The following VPS18 variants were observed in gnomAD, a reference collection of about 807,000 sequenced individuals.
VPS18 encodes the protein vacuolar protein sorting-associated protein 18 homolog.
VPS18 carries 25 observed loss-of-function variants against 82.0 expected under a neutral mutation model. The ratio of observed to expected loss-of-function variants is 0.30; its 90% CI spans 0.22 to 0.43. The LOEUF (loss-of-function observed/expected upper bound fraction) is 0.43, where lower values mean the gene tolerates loss of function less well. Ranked by LOEUF, VPS18 falls within the 20% of genes least tolerant of loss-of-function variation. The pLI is 1.00. For missense variants in VPS18, 1,168 were observed against 1,311.1 expected, an observed-to-expected ratio of 0.89 and a Z score of 1.69; for synonymous variants, 523 against 543.0, an observed-to-expected ratio of 0.96 and a Z score of 0.51.
chr15:40,899,814 G>C lies in VPS18; in HGVS notation c.996G>C (p.Gln332His), dbSNP rs777919773. 3.4e-5 allele frequency: 54 copies of C among 1,610,404 alleles called. No individual in the cohort carries two copies. The highest frequency in any genetic ancestry group is 4.2e-5 in the Non-Finnish European group (50 of 1,180,010). ...CACCCCTAGCCATCGTCTTGACCCA[G>C]TTCCACTTCCTGCTGCTACTGGCAG... The part of the protein sequence containing the change: ...ASPPLAIVLT[Q>H]FHFLLLLADR... Residue 332 changes from glutamine (Q) to histidine (H), a missense_variant, in exon 4 of 5, where the codon CAG (glutamine) becomes CAC (histidine). Physicochemically the swap from Gln to His is conservative, Grantham distance 24 (BLOSUM62 0). This residue lies in a region of VPS18 where 868 missense variants were observed against 939.8 expected (regional missense o/e 0.92). Transcript: ENST00000220509. This position sits in a 1 kb window ranked among gnomAD's most constrained non-coding sequence, Gnocchi z 4.4.
In VPS18 at chr15:40,899,203, C is replaced by G. The variant is rs770335075; in HGVS notation, c.385C>G (p.Gln129Glu). ...TEVLYVNRNG[Q>E]KVRPLARWKG... ...GGTCCTCTACGTGAACCGAAATGGACAGAAGGTACGGCCACTAGCACGCTG... is the reference window on the plus strand; with the variant it reads ...GGTCCTCTACGTGAACCGAAATGGAGAGAAGGTACGGCCACTAGCACGCTG... Residue 129 changes from glutamine (Q) to glutamate (E), a missense_variant, in exon 4 of 5, where the codon CAG becomes GAG. This residue lies in a region of VPS18 where 868 missense variants were observed against 939.8 expected (regional missense o/e 0.92). Coordinates refer to ENST00000220509, the MANE Select transcript of VPS18 (RefSeq NM_020857.3). The surrounding 1 kb of genome is among the most constrained non-coding windows in gnomAD (Gnocchi z 4.4). 2 of 1,614,072 alleles carry G rather than the reference C, an allele frequency of 1.2e-6. No homozygotes were observed. Among genetic ancestry groups the G allele is most frequent in the Non-Finnish European group, 8.5e-7 (1 of 1,180,042 alleles).
In VPS18 at chr15:40,900,251, C is replaced by T. The variant is rs758215527; in HGVS notation, c.1433C>T (p.Ala478Val). 8.1e-6 allele frequency: 13 copies of T among 1,613,682 alleles called. No individual in the cohort carries two copies. The highest frequency in any genetic ancestry group is 1.0e-5 in the Non-Finnish European group (12 of 1,180,030). The change falls in exon 4 of 5, where the codon GCC (alanine) becomes GTC (valine). Residue 478 changes from alanine to valine, a missense_variant. By Grantham distance (64) the Ala-to-Val change is moderately conservative. Coordinates refer to ENST00000220509, the MANE Select transcript of VPS18 (RefSeq NM_020857.3). This position sits in a 1 kb window ranked among gnomAD's most constrained non-coding sequence, Gnocchi z 5.4. Reference sequence around the variant, plus strand: ...GCTGAGTTCCTGCAGCGAAAACTGGCCAGTTTGAAGCCAGCCGAACGTACC... The same window carrying T: ...GCTGAGTTCCTGCAGCGAAAACTGGTCAGTTTGAAGCCAGCCGAACGTACC... ...ALAEFLQRKL[A>V]SLKPAERTQA...
In VPS18 at chr15:40,899,185, T is replaced by C; in HGVS notation, c.367T>C (p.Tyr123His). ...TGCCCTGAGCAGCACGGAGGTCCTC[T>C]ACGTGAACCGAAATGGACAGAAGGT... ...LIALSSTEVL[Y>H]VNRNGQKVRP... Residue 123 changes from tyrosine (Y) to histidine (H), a missense_variant, in exon 4 of 5, where the codon TAC (tyrosine) becomes CAC (histidine). By Grantham distance (83) the Tyr-to-His change is moderately conservative. This residue lies in a region of VPS18 where 868 missense variants were observed against 939.8 expected (regional missense o/e 0.92). Transcript: ENST00000220509. The surrounding 1 kb of genome is among the most constrained non-coding windows in gnomAD (Gnocchi z 4.4). 1.2e-6 allele frequency: 2 copies of C among 1,614,164 alleles called. No individual in the cohort carries two copies. The highest frequency in any genetic ancestry group is 1.7e-6 in the Non-Finnish European group (2 of 1,180,028).
At chr15:40,895,414 G>C (rs755695888) in intron 1 of VPS18, among the ~76,000 whole-genome samples, 4 of 152,146 alleles carry the variant, frequency 2.6e-5, no homozygotes, top group South Asian at 4.1e-4. Flanking sequence ...GGCATAGGGA[G>C]CCCTGGGGAA....
At chr15:40,898,290 G>A (rs567070017) in intron 2 of VPS18, among the ~76,000 whole-genome samples, 1 of 150,324 alleles carries the variant, frequency 6.7e-6, no homozygotes, top group African/African-American at 2.4e-5. Context: ...TGGAGAACAC[G>A]GTCTTGCTAT....
chr15:40,898,801 AT>A, intron 2 of VPS18, 105 bp from the exon 3 acceptor site: 1 of 1,201,654 alleles, frequency 8.3e-7, no homozygotes, highest in Non-Finnish European at 1.2e-6. Flanking sequence ...ATAGATGTAT[AT>A]TTCAGGGAAG....
intron 1 of VPS18, among the ~76,000 whole-genome samples, chr15:40,895,381 T>C (rs1044981840): frequency 1.1e-4 from 16 of 152,036 alleles, no homozygotes; most frequent in African/African-American, 3.9e-4. Flanking sequence ...TTGTAGAAAG[T>C]AGTGAGTCTC....
At position 40,900,431 on chromosome 15, in the gene VPS18, C is replaced by A; in HGVS notation, c.1613C>A (p.Ala538Asp). Residue 538 changes from alanine to aspartate, a missense_variant, in exon 4 of 5, where the codon GCC becomes GAC. Ala to Asp is a moderately radical substitution (Grantham distance 126). Around this residue, in one of 3 missense-constraint regions of VPS18, gnomAD observed 868 missense variants for 939.8 expected, o/e 0.92. Coordinates refer to ENST00000220509, the MANE Select transcript of VPS18 (RefSeq NM_020857.3). This position sits in a 1 kb window ranked among gnomAD's most constrained non-coding sequence, Gnocchi z 5.4. ...SSPRHKEWLF[A>D]SRASIHELLA... ...CCCCGCCACAAAGAGTGGCTCTTTG[C>A]CAGCCGGGCCTCTATCCATGAGCTG... The A allele has an allele frequency of 6.2e-7, 1 of 1,613,990 alleles. No homozygotes were observed. Among genetic ancestry groups the A allele is most frequent in the East Asian group, 2.2e-5 (1 of 44,872 alleles).
Position 40,894,564 on chromosome 15 carries a change from G to A in VPS18, c.-205G>A, listed in dbSNP as rs956862272. On this transcript the variant is annotated 5_prime_UTR_variant, in exon 1 of 5. Coordinates refer to ENST00000220509, the MANE Select transcript of VPS18 (RefSeq NM_020857.3). Reference sequence around the variant, plus strand: ...GGTGCAAGACTGCGCCAGATTCAAGGACGAGGGCTGCCCGATTATCTCGCT... The same window carrying A: ...GGTGCAAGACTGCGCCAGATTCAAGAACGAGGGCTGCCCGATTATCTCGCT... 1 of 503,908 alleles carries A rather than the reference G, an allele frequency of 2.0e-6. No homozygotes were observed. The highest frequency in any genetic ancestry group is 3.4e-5 in the East Asian group (1 of 29,110). 31.2% of individuals were successfully genotyped at this position (503,908 alleles called of 1,614,324 possible).
intron 2 of VPS18, 29 bp downstream of exon 2, chr15:40,896,108 T>C: frequency 1.2e-6 from 2 of 1,613,634 alleles, no homozygotes; most frequent in Non-Finnish European, 1.7e-6. Flanking sequence ...AGCTTAGGAG[T>C]AGGGACTAGA....
At chr15:40,898,722 C>A in intron 2 of VPS18, 185 bp from the exon 3 acceptor site, 1 of 679,196 alleles carries the variant, frequency 1.5e-6, no homozygotes, top group Non-Finnish European at 2.6e-6. Context: ...ATCTACCCAC[C>A]TCGGACTCCC....
rs1173217096 is a variant in VPS18 at position 40,895,973 on chromosome 15, A to G, written c.127A>G (p.Ile43Val). The change falls in exon 2 of 5, where the codon ATC (isoleucine) becomes GTC (valine). Residue 43 changes from isoleucine (I) to valine (V), a missense_variant. Coordinates refer to ENST00000220509, the MANE Select transcript of VPS18 (RefSeq NM_020857.3). ...VNAQLEKEVPIFTKQRIDFTP... is the reference protein window; with the variant it reads ...VNAQLEKEVPVFTKQRIDFTP... Reference sequence around the variant, plus strand: ...TGCCCAGCTGGAGAAGGAAGTGCCCATCTTCACAAAGCAGCGCATTGACTT... The same window carrying G: ...TGCCCAGCTGGAGAAGGAAGTGCCCGTCTTCACAAAGCAGCGCATTGACTT... The G allele has an allele frequency of 1.9e-6, 3 of 1,614,166 alleles. No individual in the cohort carries two copies. The highest frequency in any genetic ancestry group is 1.7e-5 in the Admixed American group (1 of 60,020).
chr15:40,901,118 C>T (rs9806683), intron 4 of VPS18, 104 bp downstream of exon 4: 1,163,832 of 1,257,668 alleles, frequency 0.93, 552,943 homozygotes, highest in Non-Finnish European at 0.98. Flanking sequence ...GCTGGCTTCC[C>T]TTGCAGAGAG....
At position 40,894,714 on chromosome 15, in the gene VPS18, G is replaced by C; in HGVS notation, c.-55G>C. On this transcript the variant is annotated 5_prime_UTR_variant, in exon 1 of 5. Transcript: ENST00000220509. ...TCTGGGGCGACGGGGACCCCGGGGGGGTAGCCCTTTTGTAATCCCCAGGCC... is the reference window on the plus strand; with the variant it reads ...TCTGGGGCGACGGGGACCCCGGGGGCGTAGCCCTTTTGTAATCCCCAGGCC... 6.7e-7 allele frequency: 1 copy of C among 1,496,434 alleles called. No homozygotes were observed. The highest frequency in any genetic ancestry group is 1.3e-5 in the South Asian group (1 of 79,666). 92.7% of individuals were successfully genotyped at this position (1,496,434 alleles called of 1,614,324 possible).
At chr15:40,901,523 G>A (rs1308159702) in intron 4 of VPS18, among the ~76,000 whole-genome samples, 1 of 151,486 alleles carries the variant, frequency 6.6e-6, no homozygotes, top group Non-Finnish European at 1.5e-5. Context: ...GGAGGTAGAG[G>A]TTGCATTGAG....
chr15:40,898,267 TC>T (rs1193459048), intron 2 of VPS18, among the ~76,000 whole-genome samples: 29 of 147,796 alleles, frequency 2.0e-4, no homozygotes, highest in African/African-American at 6.4e-4. Context: ...TTTTTTTTTT[TC>T]CCCCCTTTTT....
chr15:40,898,638 T>G, intron 2 of VPS18: 5 of 464,582 alleles, frequency 1.1e-5, no homozygotes, highest in Non-Finnish European at 2.0e-5. Context: ...ACCTTGCTAA[T>G]TTTCTTGTAT....
chr15:40,899,876 T>G lies in VPS18; in HGVS notation c.1058T>G (p.Val353Gly). The G allele has an allele frequency of 6.2e-7, 1 of 1,609,286 alleles. No individual in the cohort carries two copies. The highest frequency in any genetic ancestry group is 1.1e-5 in the South Asian group (1 of 91,082). ...VEAVCTLTGQ[V>G]VLRDHFLEKF... The stretch of plus-strand genomic sequence containing the variant: ...GCAGTGTGCACACTGACCGGGCAGG[T>G]GGTGCTGCGGGATCACTTCCTGGAG... The change falls in exon 4 of 5, where the codon GTG (valine) becomes GGG (glycine). Residue 353 changes from valine (V) to glycine (G), a missense_variant. Physicochemically the swap from Val to Gly is moderately radical, Grantham distance 109. This residue lies in a region of VPS18 where 868 missense variants were observed against 939.8 expected (regional missense o/e 0.92). Transcript: ENST00000220509. The surrounding 1 kb of genome is among the most constrained non-coding windows in gnomAD (Gnocchi z 4.4).
rs1892204318 is a variant in VPS18, at chr15:40,894,988, T to C, written c.91+129T>C. On this transcript the variant is annotated intron_variant, in intron 1 of 4. Coordinates refer to ENST00000220509, the MANE Select transcript of VPS18 (RefSeq NM_020857.3). ...TGCCTTCCGGGTCTAGGCCCCTGAT[T>C]CTCCTCAGGCTCTCTTGGCCCCCAG... The C allele has an allele frequency of 3.3e-6, 3 of 904,974 alleles. No individual in the cohort carries two copies. The African/African-American group carries it at 5.2e-5, about 16-fold the overall frequency. The allele number at this position is 904,974 out of a possible 1,614,324, so 56.1% of individuals were successfully genotyped here.
Sources: allele counts gnomAD v4.1 joint callset (sites outside exome capture counted in the v4.1 genomes callset), GRCh38; gene constraint gnomAD v4.1.1; regional missense constraint gnomAD v4.1.1; non-coding constraint Gnocchi (gnomAD v3.1); transcripts MANE v1.5; gene names NCBI Gene and HGNC (gene_info 2026-07-23, HGNC 2026-07-21).